MTOR: variants seen among roughly 807,000 people sequenced by gnomAD.
MTOR encodes the protein serine/threonine-protein kinase mTOR.
MTOR carries 70 observed loss-of-function variants against 319.8 expected under a neutral mutation model. That is an observed-to-expected ratio of 0.22 (90% CI 0.18 to 0.27). MTOR has a LOEUF of 0.27. Ranked by LOEUF, MTOR falls within the 10% of genes least tolerant of loss-of-function variation. The pLI is 1.00. For missense variants in MTOR, 1,890 were observed against 3,274.4 expected, an observed-to-expected ratio of 0.58 and a Z score of 10.32; for synonymous variants, 1,183 against 1,211.4, an observed-to-expected ratio of 0.98 and a Z score of 0.49.
chr1:11,227,934 T>A (rs1222574614), intron 19 of MTOR, among the ~76,000 whole-genome samples: 2 of 152,076 alleles, frequency 1.3e-5, no homozygotes, highest in Non-Finnish European at 2.9e-5. Flanking sequence ...AGAGATCGGA[T>A]AAACACCTAC....
At chr1:11,234,353 G>A (rs1445656772) in intron 13 of MTOR, 88 bp from the exon 14 acceptor site, 8 of 1,481,360 alleles carry the variant, frequency 5.4e-6, no homozygotes, top group Non-Finnish European at 7.2e-6. Flanking sequence ...GCAGGGAACT[G>A]GGGGAAAAAC....
At chr1:11,135,357 G>C (rs1043681276) in intron 36 of MTOR, among the ~76,000 whole-genome samples, 12 of 152,206 alleles carry the variant, frequency 7.9e-5, no homozygotes, top group African/African-American at 2.9e-4. Context: ...AACATCAAAA[G>C]CTCAAATGGA....
In MTOR at chr1:11,238,369, T is replaced by TCC. The variant is rs575859514; in HGVS notation, c.2002+31_2002+32dup. On this transcript the variant is annotated intron_variant, in intron 12 of 57. Coordinates refer to ENST00000361445, the MANE Select transcript of MTOR (RefSeq NM_004958.4). ...TCCCAATTGTCCTAAGCTCCTTAAC[T>TCC]CCCCTAGATTCCTTCTGTCTGGCAA... The TCC allele has an allele frequency of 7.6e-5, 122 of 1,607,744 alleles. 1 individual carries two copies. In the South Asian group the frequency reaches 1.3e-3, roughly 17 times the overall value.
At chr1:11,224,704 T>C (rs1646775032) in intron 19 of MTOR, among the ~76,000 whole-genome samples, 1 of 152,094 alleles carries the variant, frequency 6.6e-6, no homozygotes, top group African/African-American at 2.4e-5. Context: ...GAAAGAATCA[T>C]AAACACAATG....
At chr1:11,258,306 C>T (rs927272057) in intron 3 of MTOR, among the ~76,000 whole-genome samples, 179 bp downstream of exon 3, 3 of 152,186 alleles carry the variant, frequency 2.0e-5, no homozygotes, top group African/African-American at 4.8e-5. Context: ...CGAGACTCCA[C>T]TTCCACATCT....
intron 29 of MTOR, among the ~76,000 whole-genome samples, chr1:11,161,062 T>C (rs1187035484): frequency 1.3e-5 from 2 of 152,196 alleles, no homozygotes; most frequent in Non-Finnish European, 1.5e-5. Flanking sequence ...AGATGGCACC[T>C]GGAAAATCGG....
At chr1:11,225,959 A>G (rs1431517029) in intron 19 of MTOR, among the ~76,000 whole-genome samples, 1 of 152,228 alleles carries the variant, frequency 6.6e-6, no homozygotes, top group East Asian at 1.9e-4. Context: ...TTGAGCCCAT[A>G]GTTAAGAAAG....
chr1:11,208,005 T>C (rs1557844222), intron 25 of MTOR, among the ~76,000 whole-genome samples: 1 of 152,116 alleles, frequency 6.6e-6, no homozygotes, highest in East Asian at 1.9e-4. Flanking sequence ...TTTCCTAAAA[T>C]AGAGAGAACA....
Position 11,231,403 on chromosome 1 carries a change from G to A in MTOR, c.2546C>T (p.Ala849Val), listed in dbSNP as rs1330725518. 1 of 1,614,116 alleles carries A rather than the reference G, an allele frequency of 6.2e-7. No individual in the cohort carries two copies. The change falls in exon 17 of 58, where the codon GCC (alanine) becomes GTC (valine). Residue 849 changes from alanine (A) to valine (V), a missense_variant. Around this residue, in one of 15 missense-constraint regions of MTOR, gnomAD observed 377 missense variants for 653.9 expected, o/e 0.58. Coordinates refer to ENST00000361445, the MANE Select transcript of MTOR (RefSeq NM_004958.4). ...VALWTLGQLV[A>V]STGYVVEPYR... is the part of the protein sequence containing the mutation. ...GGGCTCTACTACATAGCCAGTGCTG[G>A]CCACCAACTGTCCCAGGGTCCACAG... is the stretch of plus-strand genomic sequence containing the variant.
chr1:11,242,974 G>A (rs2100921095), intron 9 of MTOR, 140 bp downstream of exon 9: 1 of 774,048 alleles, frequency 1.3e-6, no homozygotes, highest in East Asian at 2.7e-5. Context: ...AACTAAGGAA[G>A]GGCTGTTCTT....
chr1:11,108,917 G>T (rs1453895496), intron 56 of MTOR, among the ~76,000 whole-genome samples: 1 of 151,990 alleles, frequency 6.6e-6, no homozygotes, highest in Non-Finnish European at 1.5e-5. Context: ...GAACCTGGGA[G>T]GCAGAGGTTG....
Position 11,232,466 on chromosome 1 carries a change from G to A in MTOR, c.2484C>T (p.Leu828=), listed in dbSNP as rs1371049737. 1 of 1,613,964 alleles carries A rather than the reference G, an allele frequency of 6.2e-7. No homozygotes were observed. The highest frequency in any genetic ancestry group is 1.7e-5 in the Admixed American group (1 of 60,006). The part of the protein sequence containing the change: ...DELFIIIMDM[L]QDSSLLAKRQ... ...TTTTGGCCAACAAAGAGGAATCCTGGAGCATGTCCATGATGATAATAAAAA... is the reference window on the plus strand; with the variant it reads ...TTTTGGCCAACAAAGAGGAATCCTGAAGCATGTCCATGATGATAATAAAAA... The change falls in exon 16 of 58, where the codon CTC becomes CTT. Residue 828 remains leucine (L), a synonymous_variant. Transcript: ENST00000361445.
intron 28 of MTOR, among the ~76,000 whole-genome samples, chr1:11,190,377 G>A (rs1645480183): frequency 1.3e-5 from 2 of 152,132 alleles, no homozygotes; most frequent in Admixed American, 1.3e-4. Flanking sequence ...ACAGTTCTCT[G>A]GTGTTCCTAA....
chr1:11,240,182 A>G lies in MTOR; in HGVS notation c.1786+121T>C, dbSNP rs1395810376. ...GAGTCTAGGAAGGATGAGCTGCTAC[A>G]GAATCAGCTACCCTGTCTTTAGCAC... is the stretch of plus-strand genomic sequence containing the variant. On this transcript the variant is annotated intron_variant, in intron 11 of 57. Transcript: ENST00000361445. 4.5e-6 allele frequency: 6 copies of G among 1,329,694 alleles called. No homozygotes were observed. The East Asian group carries it at 1.4e-4, about 32-fold the overall frequency. 82.4% of individuals were successfully genotyped at this position (1,329,694 alleles called of 1,614,324 possible).
rs56996673 is a variant in MTOR at position 11,192,748 on chromosome 1, TAAA to T, written c.4253+6507_4253+6509del. Among the ~76,000 whole-genome samples the T allele has an allele frequency of 6.0e-3, 721 of 119,204 alleles. 5 individuals are homozygous for T. Among genetic ancestry groups the T allele is most frequent in the African/African-American group, 0.016 (500 of 30,902 alleles). 78.2% of individuals were successfully genotyped at this position (119,204 alleles called of 152,430 possible). A position where few individuals can be genotyped will look rare whatever the true frequency, so the allele number is the denominator to read the frequency against. On this transcript the variant is annotated intron_variant, in intron 28 of 57. Coordinates refer to ENST00000361445, the MANE Select transcript of MTOR (RefSeq NM_004958.4). Reference sequence around the variant, plus strand: ...AGACAAAGTGAGACTCCATTTCAATTAAAAAAAAAAAAAAAAAAAAGGAAAACT... The same window carrying T: ...AGACAAAGTGAGACTCCATTTCAATTAAAAAAAAAAAAAAAAAGGAAAACT...
At chr1:11,135,688 C>T (rs763750687) in intron 36 of MTOR, among the ~76,000 whole-genome samples, 22 of 150,390 alleles carry the variant, frequency 1.5e-4, no homozygotes, top group Non-Finnish European at 2.7e-4. Context: ...CAAAAATTAG[C>T]CGGGCGTGGT....
At chr1:11,230,256 C>A (rs978600610) in intron 18 of MTOR, among the ~76,000 whole-genome samples, 1 of 152,114 alleles carries the variant, frequency 6.6e-6, no homozygotes, top group Non-Finnish European at 1.5e-5. Context: ...CCCCTCCCTA[C>A]TAAAAATGCA....
chr1:11,199,085 T>C lies in MTOR; in HGVS notation c.4253+173A>G, dbSNP rs1397789116. Among the ~76,000 whole-genome samples, 2 of 152,208 alleles carry C rather than the reference T, an allele frequency of 1.3e-5. No individual in the cohort carries two copies. Among genetic ancestry groups the C allele is most frequent in the African/African-American group, 2.4e-5 (1 of 41,446 alleles). On this transcript the variant is annotated intron_variant, in intron 28 of 57. Transcript: ENST00000361445. The surrounding 1 kb of genome is among the most constrained non-coding windows in gnomAD (Gnocchi z 4.5). ...AACAGAAATGACAATCATGGCTAGATTCCTGGGGAGAGCCATCTGCAACAA... is the reference window on the plus strand; with the variant it reads ...AACAGAAATGACAATCATGGCTAGACTCCTGGGGAGAGCCATCTGCAACAA...
chr1:11,251,655 C>CTTTTTTT (rs761523542), intron 6 of MTOR, among the ~76,000 whole-genome samples: 69 of 113,700 alleles, frequency 6.1e-4, no homozygotes, highest in South Asian at 1.7e-3. Flanking sequence ...TAGATAGTTT[C>CTTTTTTT]TTTTTTTTTT....
Sources: gnomAD v4.1 joint callset for allele counts (sites outside exome capture counted in the v4.1 genomes callset) on GRCh38, gnomAD v4.1.1 for gene constraint, gnomAD v4.1.1 regional missense constraint, Gnocchi (gnomAD v3.1) non-coding constraint, MANE v1.5 for transcripts, NCBI Gene and HGNC (gene_info 2026-07-23, HGNC 2026-07-21) for gene names.